The following NEGR1 variants were observed in gnomAD, a reference collection of about 807,000 sequenced individuals.
NEGR1 encodes the protein neuronal growth regulator 1.
A neutral mutation model predicts 40.9 loss-of-function variants in NEGR1; 10 were observed. That is an observed-to-expected ratio of 0.24 (90% CI 0.15 to 0.42). The LOEUF is 0.42. Ranked by LOEUF, NEGR1 falls within the 10% of genes least tolerant of loss-of-function variation. The pLI is 1.00. For missense variants in NEGR1, 352 were observed against 438.9 expected (o/e 0.80, Z 1.77); for synonymous variants, 185 against 166.8 (o/e 1.11, Z -0.84).
chr1:71,867,603 C>T (rs749294143), intron 2 of NEGR1, among the ~76,000 whole-genome samples: 1 of 152,128 alleles, frequency 6.6e-6, no homozygotes, highest in Non-Finnish European at 1.5e-5. Context: ...TCAACTAAGA[C>T]TGTTATGATT....
chr1:71,521,365 C>T (rs1569980927), intron 6 of NEGR1, among the ~76,000 whole-genome samples: 1 of 152,098 alleles, frequency 6.6e-6, no homozygotes, highest in South Asian at 2.1e-4. Context: ...CCAATCCCTC[C>T]ACTATAGAGA....
intron 6 of NEGR1, among the ~76,000 whole-genome samples, chr1:71,493,424 C>T (rs975430829): frequency 1.3e-5 from 2 of 152,214 alleles, no homozygotes; most frequent in Non-Finnish European, 1.5e-5. Context: ...AAAAATTCCC[C>T]TTGTTTTGGT....
chr1:71,904,894 G>A (rs1661234757), intron 2 of NEGR1, among the ~76,000 whole-genome samples: 1 of 152,106 alleles, frequency 6.6e-6, no homozygotes, highest in African/African-American at 2.4e-5. Context: ...TATCCAAGAT[G>A]GCAGCTTGCA....
chr1:72,029,838 A>G (rs1428771667), intron 1 of NEGR1, among the ~76,000 whole-genome samples: 2 of 152,228 alleles, frequency 1.3e-5, no homozygotes, highest in African/African-American at 4.8e-5. Flanking sequence ...AATGTCAGAA[A>G]GCCAACATAT....
intron 6 of NEGR1, among the ~76,000 whole-genome samples, chr1:71,428,975 A>C (rs934835823): frequency 1.4e-4 from 22 of 152,148 alleles, no homozygotes; most frequent in Admixed American, 5.9e-4. Flanking sequence ...ATACTTTAAA[A>C]ATCTTTATCA....
intron 5 of NEGR1, among the ~76,000 whole-genome samples, chr1:71,608,632 T>C (rs564681269): frequency 1.3e-5 from 2 of 152,200 alleles, no homozygotes; most frequent in East Asian, 3.9e-4. Context: ...GATTGTTAGC[T>C]TTTAAGAAAT....
At chr1:71,547,042 G>T (rs1647922602) in intron 6 of NEGR1, among the ~76,000 whole-genome samples, 1 of 151,752 alleles carries the variant, frequency 6.6e-6, no homozygotes, top group South Asian at 2.1e-4. Context: ...AGTTGCTTTT[G>T]CTCTTATTTT....
At chr1:72,215,025 C>A (rs1653749006) in intron 1 of NEGR1, among the ~76,000 whole-genome samples, 1 of 151,956 alleles carries the variant, frequency 6.6e-6, no homozygotes, top group African/African-American at 2.4e-5. Context: ...ATACAGAGAC[C>A]AATGAAACTG....
chr1:71,642,053 T>C (rs550637332), intron 4 of NEGR1, among the ~76,000 whole-genome samples: 1 of 152,088 alleles, frequency 6.6e-6, no homozygotes, highest in South Asian at 2.1e-4. Context: ...TCATCTCATA[T>C]TTTGGCAGAG....
At chr1:71,741,396 T>C (rs956547809) in intron 3 of NEGR1, among the ~76,000 whole-genome samples, 1 of 152,212 alleles carries the variant, frequency 6.6e-6, no homozygotes, top group East Asian at 1.9e-4. Flanking sequence ...TCATGTGATA[T>C]GTGTTTCCTC....
At chr1:71,637,050 G>A (rs997278630) in intron 4 of NEGR1, among the ~76,000 whole-genome samples, 1 of 151,990 alleles carries the variant, frequency 6.6e-6, no homozygotes, top group African/African-American at 2.4e-5. Context: ...GTTTATTCTA[G>A]TTCTCCCGTT....
At chr1:71,529,117 C>A (rs1464291826) in intron 6 of NEGR1, among the ~76,000 whole-genome samples, 1 of 151,080 alleles carries the variant, frequency 6.6e-6, no homozygotes, top group African/African-American at 2.4e-5. Context: ...TTGATGACTG[C>A]TAAAGATTAT....
rs1658256174 is a variant in NEGR1, at chr1:71,817,222, AG to A, written c.410-40926del. On this transcript the variant is annotated intron_variant, in intron 2 of 6. Transcript: ENST00000357731. The stretch of plus-strand genomic sequence containing the variant: ...CATGCAGCTTCCAGGGGATGTGGTG[AG>A]CAGACTGCCTCCAGCTATCAGCTTC... 2.0e-5 allele frequency among the ~76,000 whole-genome samples: 3 copies of A among 152,144 alleles called. No individual in the cohort carries two copies. In the South Asian group the frequency reaches 6.2e-4, roughly 32 times the overall value.
At chr1:71,423,065 C>T (rs1646407850) in intron 6 of NEGR1, 1 of 152,004 alleles carries the variant, frequency 6.6e-6, no homozygotes, top group Non-Finnish European at 1.5e-5. Flanking sequence ...ATTTCCTGAT[C>T]ACTGAGCTAC....
chr1:71,921,703 A>AATATATATATATAT (rs61614174), intron 2 of NEGR1, among the ~76,000 whole-genome samples: 16 of 134,042 alleles, frequency 1.2e-4, no homozygotes, highest in African/African-American at 4.1e-4. Context: ...ACAGTACAAG[A>AATATATATATATAT]ATATATATAT....
At chr1:71,510,530 C>T (rs1343089574) in intron 6 of NEGR1, among the ~76,000 whole-genome samples, 3 of 152,014 alleles carry the variant, frequency 2.0e-5, no homozygotes, top group African/African-American at 7.3e-5. Flanking sequence ...GATAAGCGAA[C>T]AGAATGTAGA....
At chr1:72,216,047 T>C (rs1570132484) in intron 1 of NEGR1, among the ~76,000 whole-genome samples, 1 of 151,962 alleles carries the variant, frequency 6.6e-6, no homozygotes, top group Non-Finnish European at 1.5e-5. Flanking sequence ...GATGAGTTCA[T>C]GTCGTTTGCA....
At chr1:71,784,346 T>G (rs990519122) in intron 2 of NEGR1, among the ~76,000 whole-genome samples, 1 of 140,346 alleles carries the variant, frequency 7.1e-6, no homozygotes, top group Non-Finnish European at 1.6e-5. Context: ...GTAGAAAGGC[T>G]TTTTTTTTTT....
intron 6 of NEGR1, among the ~76,000 whole-genome samples, chr1:71,478,534 A>G (rs1646835922): frequency 6.6e-6 from 1 of 151,920 alleles, no homozygotes; most frequent in Non-Finnish European, 1.5e-5. Flanking sequence ...ACATCTTGAT[A>G]TTTTTATTTG....
Sources: gnomAD v4.1 joint callset for allele counts (sites outside exome capture counted in the v4.1 genomes callset) on GRCh38, gnomAD v4.1.1 for gene constraint, MANE v1.5 for transcripts, NCBI Gene and HGNC (gene_info 2026-07-23, HGNC 2026-07-21) for gene names.